KAZN: variants seen among roughly 807,000 people sequenced by gnomAD.
The protein encoded by KAZN is kazrin.
Under a neutral mutation model 87.4 loss-of-function variants are expected in KAZN, and 40 were observed. The ratio of observed to expected loss-of-function variants is 0.46; its 90% CI spans 0.36 to 0.60. The LOEUF (loss-of-function observed/expected upper bound fraction) is 0.60, where lower values mean the gene tolerates loss of function less well. Ranked by LOEUF, KAZN falls within the 20% of genes least tolerant of loss-of-function variation. The pLI is 0.00. For synonymous variants in KAZN, 466 were observed against 458.3 expected, an observed-to-expected ratio of 1.02 and a Z score of -0.22; for missense variants, 898 against 1,073.9, an observed-to-expected ratio of 0.84 and a Z score of 2.29.
chr1:14,484,146 T>C (rs1267168123), intron 2 of KAZN, among the ~76,000 whole-genome samples: 1 of 152,220 alleles, frequency 6.6e-6, no homozygotes, highest in Non-Finnish European at 1.5e-5. Flanking sequence ...GCCAGTACGA[T>C]GGTGTTTTAA....
rs190082293 is a variant in KAZN at position 14,724,961 on chromosome 1, A to T, written c.226+125738A>T. 4.5e-4 allele frequency among the ~76,000 whole-genome samples: 68 copies of T among 152,348 alleles called. No individual in the cohort carries two copies. In the East Asian group the frequency reaches 0.013, roughly 29 times the overall value. On this transcript the variant is annotated intron_variant, in intron 1 of 14. Coordinates refer to ENST00000376030, the MANE Select transcript of KAZN (RefSeq NM_201628.3). ...ATGAGTCAATGGGAAGAAAATGACC[A>T]GGAAACTTGAGGAGACAGAAAAAGG...
intron 2 of KAZN, among the ~76,000 whole-genome samples, chr1:14,580,860 G>A (rs1462878443): frequency 6.6e-6 from 1 of 152,044 alleles, no homozygotes; most frequent in South Asian, 2.1e-4. Flanking sequence ...CAATGTCATC[G>A]CTTACTCAGC....
intron 1 of KAZN, among the ~76,000 whole-genome samples, chr1:14,144,074 T>C (rs1031449187): frequency 2.6e-5 from 4 of 152,208 alleles, no homozygotes; most frequent in Admixed American, 2.6e-4. Context: ...TCTGTAGTTA[T>C]AAATCTGCTC....
At chr1:14,660,179 C>T (rs1207263798) in intron 1 of KAZN, among the ~76,000 whole-genome samples, 1 of 152,182 alleles carries the variant, frequency 6.6e-6, no homozygotes, top group African/African-American at 2.4e-5. Flanking sequence ...GAGTCACCTG[C>T]AACTGCCCGT....
At chr1:13,952,059 ATTGT>A (rs1204854685) in intron 1 of KAZN, among the ~76,000 whole-genome samples, 1 of 152,106 alleles carries the variant, frequency 6.6e-6, no homozygotes, top group Non-Finnish European at 1.5e-5. Context: ...GGAGCTGTTG[ATTGT>A]TTGAGGACTA....
At chr1:13,912,255 C>T (rs751107559) in intron 1 of KAZN, among the ~76,000 whole-genome samples, 14 of 152,142 alleles carry the variant, frequency 9.2e-5, no homozygotes, top group South Asian at 4.1e-4. Flanking sequence ...AGAGAACCCC[C>T]GTCTTTCCTC....
At chr1:14,028,936 T>G (rs865862536) in intron 1 of KAZN, among the ~76,000 whole-genome samples, 12 of 152,194 alleles carry the variant, frequency 7.9e-5, no homozygotes, top group African/African-American at 2.2e-4. Flanking sequence ...ATAAACATAC[T>G]TGTGCATGTG....
chr1:14,260,577 T>A (rs1242723651), intron 2 of KAZN, among the ~76,000 whole-genome samples: 1 of 152,072 alleles, frequency 6.6e-6, no homozygotes, highest in African/African-American at 2.4e-5. Flanking sequence ...TTAACTACGA[T>A]CCACCTGAAA....
chr1:14,476,637 C>A (rs375445828), intron 2 of KAZN, among the ~76,000 whole-genome samples: 1 of 152,184 alleles, frequency 6.6e-6, no homozygotes, highest in South Asian at 2.1e-4. Context: ...TATATCAATG[C>A]AATCCAGATA....
At chr1:14,947,613 C>G (rs1661985086) in intron 1 of KAZN, among the ~76,000 whole-genome samples, 2 of 152,218 alleles carry the variant, frequency 1.3e-5, no homozygotes, top group South Asian at 4.1e-4. Context: ...GGAACATGAG[C>G]TTTGGAATCA....
chr1:14,941,648 C>T (rs757708213), intron 1 of KAZN, among the ~76,000 whole-genome samples: 6 of 152,080 alleles, frequency 3.9e-5, no homozygotes, highest in Non-Finnish European at 8.8e-5. Context: ...ATGCGAATTT[C>T]GAAGATGTAT....
chr1:14,652,100 T>C (rs952031291), intron 1 of KAZN, among the ~76,000 whole-genome samples: 1 of 152,202 alleles, frequency 6.6e-6, no homozygotes, highest in African/African-American at 2.4e-5. Flanking sequence ...CCTTCAGGAA[T>C]GAAAAATCAA....
chr1:14,716,710 C>T (rs929483335), intron 1 of KAZN, among the ~76,000 whole-genome samples: 41 of 152,110 alleles, frequency 2.7e-4, no homozygotes, highest in Admixed American at 1.3e-4. Context: ...TTCCTGTGTT[C>T]CCTGCTGTCC....
intron 2 of KAZN, among the ~76,000 whole-genome samples, chr1:15,000,013 T>A (rs1413693269): frequency 6.6e-6 from 1 of 152,176 alleles, no homozygotes; most frequent in Non-Finnish European, 1.5e-5. Flanking sequence ...ATATATTATA[T>A]GGCAAGAGGG....
chr1:14,951,977 A>T (rs10803327), intron 1 of KAZN, among the ~76,000 whole-genome samples: 1 of 152,002 alleles, frequency 6.6e-6, no homozygotes, highest in Admixed American at 6.5e-5. Flanking sequence ...CGCAGAGCCC[A>T]GCAGACCTGG....
At chr1:14,783,841 G>A (rs1446968649) in intron 1 of KAZN, among the ~76,000 whole-genome samples, 2 of 152,136 alleles carry the variant, frequency 1.3e-5, no homozygotes, top group African/African-American at 2.4e-5. Context: ...GAAGTAATGG[G>A]GGTGGAGGAC....
intron 2 of KAZN, among the ~76,000 whole-genome samples, chr1:14,425,183 A>G (rs1365320058): frequency 6.6e-6 from 1 of 152,164 alleles, no homozygotes; most frequent in East Asian, 1.9e-4. Context: ...TGGCCAAGGC[A>G]GGCCCATGTT....
chr1:14,978,271 C>T (rs935208354), intron 2 of KAZN, among the ~76,000 whole-genome samples: 7 of 152,178 alleles, frequency 4.6e-5, no homozygotes, highest in African/African-American at 7.2e-5. Context: ...CCAGCCTTTT[C>T]GAGCTGCCAA....
chr1:14,650,259 T>C (rs1638274407), intron 1 of KAZN, among the ~76,000 whole-genome samples: 3 of 152,228 alleles, frequency 2.0e-5, no homozygotes, highest in African/African-American at 7.2e-5. Flanking sequence ...ACCAAATACA[T>C]ATTAAAGACT....
Sources: gnomAD v4.1 joint callset for allele counts (sites outside exome capture counted in the v4.1 genomes callset) on GRCh38, gnomAD v4.1.1 for gene constraint, MANE v1.5 for transcripts, NCBI Gene and HGNC (gene_info 2026-07-23, HGNC 2026-07-21) for gene names.